APOL3: variants seen among roughly 807,000 people sequenced by gnomAD.
APOL3 encodes the protein apolipoprotein L3, also known as TNF-inducible protein CG12-1.
Under a neutral mutation model 11.6 loss-of-function variants are expected in APOL3, and 14 were observed. The observed-to-expected ratio is 1.21, with a 90% CI of 0.80 to 1.89. APOL3 has a LOEUF of 1.89. Among genes scored for constraint, APOL3 ranks in the 40% most tolerant of loss-of-function variants. APOL3 has a pLI of 0.00. For synonymous variants in APOL3, 192 were observed against 190.6 expected (o/e 1.01, Z -0.06); for missense variants, 483 against 492.1 (o/e 0.98, Z 0.17).
chr22:36,140,784 T>G, exon 3 of APOL3: 1 of 164,600 alleles, frequency 6.1e-6, no homozygotes, highest in Non-Finnish European at 1.3e-5. Flanking sequence ...CGGGGGCAGG[T>G]CGGTAGTGGA....
intron 1 of APOL3, chr22:36,149,777 AT>A (rs1232042228): frequency 6.0e-5 from 27 of 453,584 alleles, no homozygotes; most frequent in Non-Finnish European, 1.8e-5. Context: ...ATACATGCTT[AT>A]TGTAAATGAC....
exon 1 of APOL3, chr22:36,166,061 T>A (rs1297289433): frequency 6.6e-6 from 1 of 152,022 alleles, no homozygotes; most frequent in Non-Finnish European, 1.5e-5. Context: ...CAGGTGGAAG[T>A]CTCCTAAAGG....
chr22:36,155,663 G>T, intron 1 of APOL3: 1 of 160,920 alleles, frequency 6.2e-6, no homozygotes, highest in South Asian at 1.8e-4. Context: ...GAGCCATAAG[G>T]ACCAGGAGCC....
Position 36,160,825 on chromosome 22 carries a change from G to A in APOL3, c.67C>T (p.Gln23Ter), listed in dbSNP as rs140783820. ...AAAGGGAAAGTGAAAGTCACAACTT[G>A]GCAGCAGCTCCTGATCAAACATGCA... Residue 23 changes from glutamine to a stop codon, truncating the protein, a stop_gained, in exon 1 of 3, where the codon CAA (glutamine) becomes TAA (stop). Coordinates refer to ENST00000349314, the Ensembl canonical transcript of APOL3. LOFTEE classifies it high-confidence loss of function. The A allele has an allele frequency of 1.2e-4, 186 of 1,613,918 alleles. No individual in the cohort carries two copies. Among genetic ancestry groups the A allele is most frequent in the Non-Finnish European group, 2.1e-5 (25 of 1,179,926 alleles).
At chr22:36,160,860 G>A (rs1228243149) in exon 1 of APOL3, 1 of 1,614,122 alleles carries the variant, frequency 6.2e-7, no homozygotes, top group Admixed American at 1.7e-5. Context: ...AAAACAGGAT[G>A]CTTCCCAGCC....
chr22:36,145,312 G>A (rs1296774559), intron 2 of APOL3, among the ~76,000 whole-genome samples, 161 bp downstream of exon 3: 1 of 152,190 alleles, frequency 6.6e-6, no homozygotes, highest in African/African-American at 2.4e-5. Context: ...GCCAGCGAAG[G>A]ACTTGGAGGA....
chr22:36,156,322 C>T (rs1439468232), intron 1 of APOL3, among the ~76,000 whole-genome samples: 1 of 152,126 alleles, frequency 6.6e-6, no homozygotes, highest in African/African-American at 2.4e-5. Flanking sequence ...GTCCTGAACT[C>T]CTGGGTTCGA....
chr22:36,155,666 CA>C (rs1189025959), intron 1 of APOL3: 2 of 161,106 alleles, frequency 1.2e-5, no homozygotes, highest in East Asian at 3.8e-4. Context: ...CCATAAGGAC[CA>C]GGAGCCAGCA....
In APOL3 at chr22:36,141,225, C is replaced by A. The variant is rs774322767; in HGVS notation, c.1184G>T (p.Arg395Leu). Residue 395 changes from arginine to leucine, a missense_variant, in exon 3 of 3, where the codon CGT (arginine) becomes CTT (leucine). Transcript: ENST00000349314. ...TCAGTGGGTATGGCATGGATTCAGACGCTGATAGATCTGAGTGAGCTCCAT... is the reference window on the plus strand; with the variant it reads ...TCAGTGGGTATGGCATGGATTCAGAAGCTGATAGATCTGAGTGAGCTCCAT... The A allele has an allele frequency of 2.0e-5, 33 of 1,613,644 alleles. No individual in the cohort carries two copies. Among genetic ancestry groups the A allele is most frequent in the Non-Finnish European group, 2.8e-5 (33 of 1,179,782 alleles).
intron 1 of APOL3, chr22:36,149,505 T>C: frequency 2.8e-6 from 2 of 722,470 alleles, no homozygotes; most frequent in Non-Finnish European, 4.2e-6. Context: ...GCAACATGTG[T>C]GATAACTAAT....
At chr22:36,149,620 C>T in intron 1 of APOL3, among the ~76,000 whole-genome samples, 1 of 152,166 alleles carries the variant, frequency 6.6e-6, no homozygotes, top group Non-Finnish European at 1.5e-5. Flanking sequence ...AACCGTGGCT[C>T]CCATTTTGAA....
At chr22:36,153,001 C>T (rs557434328) in intron 1 of APOL3, among the ~76,000 whole-genome samples, 2 of 152,142 alleles carry the variant, frequency 1.3e-5, no homozygotes, top group East Asian at 3.9e-4. Context: ...ATCTCAGCTA[C>T]TCAGGAGGCT....
chr22:36,140,836 G>A (rs1420198412), exon 3 of APOL3: 3 of 204,182 alleles, frequency 1.5e-5, no homozygotes, highest in East Asian at 1.2e-4. Flanking sequence ...CTAACTCTTC[G>A]GCTTTCTGCA....
intron 1 of APOL3, chr22:36,153,236 A>T (rs530675963): frequency 1.5e-4 from 49 of 327,446 alleles, no homozygotes; most frequent in Middle Eastern, 4.0e-4. Flanking sequence ...TGATTTTTTT[A>T]AATTTTAACA....
chr22:36,145,683 T>A, intron 1 of APOL3, 84 bp from the exon 3 acceptor site: 1 of 1,535,858 alleles, frequency 6.5e-7, no homozygotes, highest in Non-Finnish European at 8.8e-7. Context: ...TCGAGGTTAA[T>A]CCTCCTCAAC....
At chr22:36,158,049 CATAAATAA>C (rs58569199) in intron 1 of APOL3, among the ~76,000 whole-genome samples, 3 of 151,554 alleles carry the variant, frequency 2.0e-5, no homozygotes, top group African/African-American at 7.3e-5. Context: ...GACTCCATCT[CATAAATAA>C]ATAAATAAAT....
intron 1 of APOL3, among the ~76,000 whole-genome samples, chr22:36,150,625 A>C (rs1359063973): frequency 6.6e-6 from 1 of 152,160 alleles, no homozygotes; most frequent in Non-Finnish European, 1.5e-5. Flanking sequence ...AATCCCAGCA[A>C]TTTGGGAGAC....
At chr22:36,163,402 G>T (rs2013781601), upstream of APOL3, among the ~76,000 whole-genome samples, 1 of 152,146 alleles carries the variant, frequency 6.6e-6, no homozygotes, top group Admixed American at 6.5e-5. Flanking sequence ...CCACCCTTTT[G>T]GGCACTCACC....
chr22:36,153,487 G>GTGATATGTTCAAGAT, intron 1 of APOL3: 1 of 445,186 alleles, frequency 2.2e-6, no homozygotes, highest in South Asian at 1.6e-5. Context: ...AGCATAATCA[G>GTGATATGTTCAAGAT]AGTGAACTCC....
Sources: gnomAD v4.1 joint callset for allele counts (sites outside exome capture counted in the v4.1 genomes callset) on GRCh38, gnomAD v4.1.1 for gene constraint, MANE v1.5 for transcripts, NCBI Gene and HGNC (gene_info 2026-07-23, HGNC 2026-07-21) for gene names.